MED25: variants seen among roughly 807,000 people sequenced by gnomAD.
MED25 encodes the protein mediator complex subunit 25, also known as mediator of RNA polymerase II transcription subunit 25.
A neutral mutation model predicts 89.4 loss-of-function variants in MED25; 62 were observed. The ratio of observed to expected loss-of-function variants is 0.69; its 90% CI spans 0.57 to 0.86. The LOEUF is 0.86. Among genes scored for constraint, MED25 ranks in the 40% least tolerant of loss-of-function variants. The pLI, the probability that MED25 is intolerant of heterozygous loss-of-function variation, is 0.00. For missense variants in MED25, 905 were observed against 1,005.2 expected (o/e 0.90, Z 1.35); for synonymous variants, 449 against 427.9 (o/e 1.05, Z -0.61).
intron 3 of MED25, among the ~76,000 whole-genome samples, chr19:49,821,634 C>T (rs1165611942): frequency 6.6e-6 from 1 of 151,124 alleles, no homozygotes; most frequent in African/African-American, 2.4e-5. Flanking sequence ...CTGCCTTGAC[C>T]TCCCTAAGTG....
rs2074052720 is a variant in MED25, at chr19:49,830,987, C to T, written c.1101+100C>T. On this transcript the variant is annotated intron_variant, in intron 9 of 17. Transcript: ENST00000312865. The surrounding 1 kb of genome is among the most constrained non-coding windows in gnomAD (Gnocchi z 4.6). The stretch of plus-strand genomic sequence containing the variant: ...ATTTGCCTTCCAGGGGGATGTGGCT[C>T]TCGTGGTTCTGGGGCTTTGGGGGCT... The T allele has an allele frequency of 1.5e-6, 2 of 1,341,216 alleles. No homozygotes were observed. The highest frequency in any genetic ancestry group is 1.7e-5 in the Admixed American group (1 of 59,558). The allele number at this position is 1,341,216 out of a possible 1,614,324, so 83.1% of individuals were successfully genotyped here.
rs1419433632 is a variant in MED25 at position 49,819,262 on chromosome 19, G to A, written c.271G>A (p.Ala91Thr). The change falls in exon 3 of 18, where the codon GCC (alanine) becomes ACC (threonine). Residue 91 changes from alanine (A) to threonine (T), a missense_variant. Transcript: ENST00000312865. ...ACAATGTCACGCTCCCACCAGCAGC[G>A]CCTATGAGTTTGTCACCTGGCTCGA... ...YVQCHAPTSS[A>T]YEFVTWLDGI... The A allele has an allele frequency of 1.2e-6, 2 of 1,614,202 alleles. No homozygotes were observed. The highest frequency in any genetic ancestry group is 1.7e-6 in the Non-Finnish European group (2 of 1,180,028).
chr19:49,831,434 C>G lies in MED25; in HGVS notation c.1203C>G (p.Ala401=). ...GQQSVSNKLL[A]WSGVLEWQEK... ...AGTCAGTCTCCAATAAGCTTCTGGCCTGGAGCGGGGTCCTGGAGTGGCAAG... is the reference window on the plus strand; with the variant it reads ...AGTCAGTCTCCAATAAGCTTCTGGCGTGGAGCGGGGTCCTGGAGTGGCAAG... Residue 401 remains alanine, a synonymous_variant, in exon 10 of 18, where the codon GCC becomes GCG. Coordinates refer to ENST00000312865, the MANE Select transcript of MED25 (RefSeq NM_030973.4). This position sits in a 1 kb window ranked among gnomAD's most constrained non-coding sequence, Gnocchi z 5.0. 1 of 1,612,466 alleles carries G rather than the reference C, an allele frequency of 6.2e-7. No homozygotes were observed. The highest frequency in any genetic ancestry group is 8.5e-7 in the Non-Finnish European group (1 of 1,179,424).
chr19:49,828,047 G>A (rs1240314952), intron 3 of MED25, among the ~76,000 whole-genome samples: 1 of 152,114 alleles, frequency 6.6e-6, no homozygotes, highest in Non-Finnish European at 1.5e-5. Flanking sequence ...GGCTAACATG[G>A]TGAAATCCCG....
chr19:49,819,142 G>A (rs751689638), intron 2 of MED25, 30 bp from the exon 3 acceptor site: 7 of 1,613,872 alleles, frequency 4.3e-6, no homozygotes, highest in East Asian at 2.2e-5. Context: ...TGAGGTCCCA[G>A]ATTAAAAGTT....
intron 3 of MED25, among the ~76,000 whole-genome samples, chr19:49,823,274 A>T (rs1359684442): frequency 1.3e-5 from 2 of 152,136 alleles, no homozygotes; most frequent in Non-Finnish European, 2.9e-5. Flanking sequence ...CTTCTGCCAT[A>T]CTGCATTTGG....
chr19:49,828,250 C>T (rs540114731), intron 3 of MED25, among the ~76,000 whole-genome samples, 199 bp from the exon 4 acceptor site: 2 of 150,754 alleles, frequency 1.3e-5, no homozygotes, highest in Admixed American at 6.7e-5. Context: ...AAAACACAGA[C>T]AGCAAATGTC....
downstream of MED25, chr19:49,839,804 G>A (rs1258236987): frequency 1.3e-5 from 2 of 152,168 alleles, no homozygotes; most frequent in East Asian, 3.8e-4. Context: ...ATTCACCTAC[G>A]TCCTGGGGTT....
Position 49,834,576 on chromosome 19 carries a change from C to G in MED25, c.1483-410C>G. The G allele has an allele frequency of 3.3e-6, 1 of 301,112 alleles. No homozygotes were observed. Among genetic ancestry groups the G allele is most frequent in the South Asian group, 3.2e-5 (1 of 31,188 alleles). 18.7% of individuals were successfully genotyped at this position (301,112 alleles called of 1,614,324 possible). A position where few individuals can be genotyped will look rare whatever the true frequency, so the allele number is the denominator to read the frequency against. On this transcript the variant is annotated intron_variant, in intron 13 of 17. Coordinates refer to ENST00000312865, the MANE Select transcript of MED25 (RefSeq NM_030973.4). This position sits in a 1 kb window ranked among gnomAD's most constrained non-coding sequence, Gnocchi z 4.1. ...TGAGGGCTGGAGGATCTCTTGGATA[C>G]CCGGGGTCCGACCCACCGTTGATCA...
In MED25 at chr19:49,829,129, C is replaced by T. The variant is rs1290584141; in HGVS notation, c.525+39C>T. The T allele has an allele frequency of 3.2e-6, 5 of 1,585,990 alleles. No individual in the cohort carries two copies. The highest frequency in any genetic ancestry group is 4.3e-6 in the Non-Finnish European group (5 of 1,161,310). Reference sequence around the variant, plus strand: ...GGTCTGAGGGACGAGGGTCTGGGGGCCCGGAGTCTTGGGTCTGAGGCAGGA... The same window carrying T: ...GGTCTGAGGGACGAGGGTCTGGGGGTCCGGAGTCTTGGGTCTGAGGCAGGA... On this transcript the variant is annotated intron_variant, in intron 5 of 17. Transcript: ENST00000312865. This position sits in a 1 kb window ranked among gnomAD's most constrained non-coding sequence, Gnocchi z 4.6.
chr19:49,830,324 C>G lies in MED25; in HGVS notation c.819+106C>G. ...TGGAGCTTGTGGGATGATGGGAGTC[C>G]CATGGGACATTGGGAAGGTGGGACT... On this transcript the variant is annotated intron_variant, in intron 7 of 17. Coordinates refer to ENST00000312865, the MANE Select transcript of MED25 (RefSeq NM_030973.4). This position sits in a 1 kb window ranked among gnomAD's most constrained non-coding sequence, Gnocchi z 4.6. 7.8e-7 allele frequency: 1 copy of G among 1,279,318 alleles called. No individual in the cohort carries two copies. The highest frequency in any genetic ancestry group is 1.2e-5 in the South Asian group (1 of 80,792). 79.2% of individuals were successfully genotyped at this position (1,279,318 alleles called of 1,614,324 possible).
At chr19:49,837,037 G>T (rs2123890614), downstream of MED25, 1 of 1,024,476 alleles carries the variant, frequency 9.8e-7, no homozygotes, top group South Asian at 1.4e-5. Context: ...ACCCCAGGGG[G>T]CATCTCTGTC....
At position 49,835,283 on chromosome 19, in the gene MED25, T is replaced by C; in HGVS notation, c.1674+106T>C. On this transcript the variant is annotated intron_variant, in intron 14 of 17. Coordinates refer to ENST00000312865, the MANE Select transcript of MED25 (RefSeq NM_030973.4). The surrounding 1 kb of genome is among the most constrained non-coding windows in gnomAD (Gnocchi z 6.2). ...CAAGATGCCCACCCTTCTCCCAATA[T>C]GTGGTGCCTCCAAGCTAAGTCCCAC... 4.0e-6 allele frequency: 5 copies of C among 1,260,648 alleles called. No homozygotes were observed. The highest frequency in any genetic ancestry group is 5.8e-6 in the Non-Finnish European group (5 of 861,570). 78.1% of individuals were successfully genotyped at this position (1,260,648 alleles called of 1,614,324 possible).
rs898372036 is a variant in MED25, at chr19:49,822,119, C to T, written c.305+2823C>T. 4.0e-5 allele frequency among the ~76,000 whole-genome samples: 6 copies of T among 151,486 alleles called. 1 individual carries two copies. The highest frequency in any genetic ancestry group is 2.1e-4 in the South Asian group (1 of 4,804). On this transcript the variant is annotated intron_variant, in intron 3 of 17. Transcript: ENST00000312865. ...TCTACTAAAAATACAAAAATTTAAC[C>T]GGGCGCGGTGGCAGGCACCTGCAGT...
chr19:49,838,861 G>A (rs2074116883), downstream of MED25: 7 of 421,136 alleles, frequency 1.7e-5, no homozygotes, highest in Admixed American at 2.6e-5. Flanking sequence ...GAAGTGGCGC[G>A]GCAGTGGTAC....
chr19:49,835,979 G>T lies in MED25; in HGVS notation c.1965+34G>T. ...TTGGGGTGGGGTAGCGAGAGTTCCA[G>T]ATCCTGGCCCTGGTGGTTCTGGTCC... is the stretch of plus-strand genomic sequence containing the variant. On this transcript the variant is annotated intron_variant, in intron 16 of 17. Coordinates refer to ENST00000312865, the MANE Select transcript of MED25 (RefSeq NM_030973.4). This position sits in a 1 kb window ranked among gnomAD's most constrained non-coding sequence, Gnocchi z 6.2. 1.2e-6 allele frequency: 2 copies of T among 1,610,518 alleles called. No homozygotes were observed. Among genetic ancestry groups the T allele is most frequent in the South Asian group, 1.1e-5 (1 of 90,698 alleles).
downstream of MED25, among the ~76,000 whole-genome samples, chr19:49,838,022 G>A (rs566699916): frequency 9.2e-5 from 14 of 152,120 alleles, no homozygotes; most frequent in Middle Eastern, 3.2e-3. Flanking sequence ...GGCTTGGAGC[G>A]CAGGGTGGTC....
At chr19:49,822,748 C>T (rs558378951) in intron 3 of MED25, among the ~76,000 whole-genome samples, 7 of 149,480 alleles carry the variant, frequency 4.7e-5, no homozygotes, top group Admixed American at 4.1e-4. Flanking sequence ...CCCGAGTTCA[C>T]GCCATTCTCC....
At chr19:49,822,262 CAA>C (rs1220883878) in intron 3 of MED25, among the ~76,000 whole-genome samples, 12 of 48,902 alleles carry the variant, frequency 2.5e-4, no homozygotes, top group Admixed American at 9.4e-4. Flanking sequence ...GACTCTGTCT[CAA>C]AAAAAAAAAA....
Sources: allele counts gnomAD v4.1 joint callset (sites outside exome capture counted in the v4.1 genomes callset), GRCh38; gene constraint gnomAD v4.1.1; non-coding constraint Gnocchi (gnomAD v3.1); transcripts MANE v1.5; gene names NCBI Gene and HGNC (gene_info 2026-07-23, HGNC 2026-07-21).